The following RASGEF1A variants were observed in gnomAD, a reference collection of about 807,000 sequenced individuals.
The protein encoded by RASGEF1A is ras-GEF domain-containing family member 1A.
A neutral mutation model predicts 56.4 loss-of-function variants in RASGEF1A; 18 were observed. The ratio of observed to expected loss-of-function variants is 0.32; its 90% CI spans 0.22 to 0.47. The LOEUF (loss-of-function observed/expected upper bound fraction) is 0.47. RASGEF1A is among the 20% of genes least tolerant of loss of function. The probability of loss-of-function intolerance (pLI) is 1.00; values close to 1 mark genes in which losing one functional copy is unlikely to be tolerated. For missense variants in RASGEF1A, 422 were observed against 627.1 expected, an observed-to-expected ratio of 0.67 and a Z score of 3.49; for synonymous variants, 245 against 242.6, an observed-to-expected ratio of 1.01 and a Z score of -0.09.
intron 2 of RASGEF1A, 66 bp from the exon 3 acceptor site, chr10:43,203,486 T>A: frequency 6.9e-7 from 1 of 1,455,228 alleles, no homozygotes; most frequent in South Asian, 1.4e-5. Context: ...CTCACCGCGC[T>A]GCTTCACCTG....
chr10:43,205,874 C>G, intron 2 of RASGEF1A, 45 bp downstream of exon 2: 1 of 1,495,082 alleles, frequency 6.7e-7, no homozygotes, highest in East Asian at 2.3e-5. Flanking sequence ...TCCTGGAGCC[C>G]AGGTCACCCC....
chr10:43,200,941 C>T (rs1839887374), intron 4 of RASGEF1A, 53 bp from the exon 5 acceptor site: 2 of 1,518,198 alleles, frequency 1.3e-6, no homozygotes, highest in Non-Finnish European at 1.8e-6. Flanking sequence ...GCAAGGCCAC[C>T]ACCACTGTGG....
rs372450102 is a variant in RASGEF1A, at chr10:43,211,017, C to A, written c.-6-4895G>T. ...GAGTGGGGGACAGGCTTGCACGCAG[C>A]AGCCCCTCTGGTTCCTTGCAGCCCC... On this transcript the variant is annotated intron_variant, in intron 1 of 12. Coordinates refer to ENST00000395810, the MANE Select transcript of RASGEF1A (RefSeq NM_145313.4). Among the ~76,000 whole-genome samples, 4 of 87,034 alleles carry A rather than the reference C, an allele frequency of 4.6e-5. No homozygotes were observed. The South Asian group carries it at 2.2e-3, about 49-fold the overall frequency. 57.1% of individuals were successfully genotyped at this position (87,034 alleles called of 152,430 possible). A position where few individuals can be genotyped will look rare whatever the true frequency, so the allele number is the denominator to read the frequency against.
At chr10:43,219,727 T>A (rs1437394594) in intron 1 of RASGEF1A, among the ~76,000 whole-genome samples, 1 of 152,260 alleles carries the variant, frequency 6.6e-6, no homozygotes, top group African/African-American at 2.4e-5. Context: ...CACACAGACC[T>A]GTCCCGGGTG....
At chr10:43,236,373 A>T (rs1355679521) in intron 1 of RASGEF1A, among the ~76,000 whole-genome samples, 2 of 152,216 alleles carry the variant, frequency 1.3e-5, no homozygotes, top group Non-Finnish European at 2.9e-5. Context: ...GTGCCTGAGC[A>T]GGTGTGCGTA....
intron 1 of RASGEF1A, among the ~76,000 whole-genome samples, chr10:43,259,008 CCCCATCTCTGG>C: frequency 6.6e-6 from 1 of 152,246 alleles, no homozygotes; most frequent in Admixed American, 6.5e-5. Flanking sequence ...TCTCTGGTTC[CCCCATCTCTGG>C]CCCATGCAGC....
In RASGEF1A at chr10:43,257,609, C is replaced by T. The variant is rs186212484; in HGVS notation, c.-7+9236G>A. On this transcript the variant is annotated intron_variant, in intron 1 of 12. Transcript: ENST00000395810. ...AGTGCCCTGCGCTTCCCCCGGGCCT[C>T]CCCAGGGGGTAGTGACTGCACACAG... Among the ~76,000 whole-genome samples, 729 of 152,306 alleles carry T rather than the reference C, an allele frequency of 4.8e-3. 5 individuals are homozygous for T. The highest frequency in any genetic ancestry group is 8.3e-3 in the Non-Finnish European group (562 of 68,008).
At chr10:43,202,648 G>GCCCCCCCCCCCCCCCCCCC in intron 3 of RASGEF1A, 6 of 459,812 alleles carry the variant, frequency 1.3e-5, no homozygotes, top group Middle Eastern at 6.1e-4. Flanking sequence ...CCCGCCCCCG[G>GCCCCCCCCCCCCCCCCCCC]CCCCCGCACC....
intron 1 of RASGEF1A, among the ~76,000 whole-genome samples, chr10:43,220,308 G>A (rs1299382209): frequency 1.3e-5 from 2 of 152,192 alleles, no homozygotes; most frequent in East Asian, 3.8e-4. Flanking sequence ...AGACCAGCCT[G>A]GGCAACATAG....
chr10:43,259,240 C>T (rs1836483961), intron 1 of RASGEF1A, among the ~76,000 whole-genome samples: 1 of 152,230 alleles, frequency 6.6e-6, no homozygotes, highest in African/African-American at 2.4e-5. Flanking sequence ...CCTGAGGTTG[C>T]ATTCTGAGCA....
chr10:43,209,027 A>C, intron 1 of RASGEF1A: 4 of 985,400 alleles, frequency 4.1e-6, no homozygotes, highest in Non-Finnish European at 4.8e-6. Context: ...TTGTTCTTGC[A>C]CCTGCTTCCT....
chr10:43,253,300 C>T (rs1840647840), intron 1 of RASGEF1A, among the ~76,000 whole-genome samples: 1 of 152,222 alleles, frequency 6.6e-6, no homozygotes, highest in African/African-American at 2.4e-5. Flanking sequence ...ACTCCCAAAT[C>T]CCCGGGGAGG....
chr10:43,236,806 C>T (rs1840436802), intron 1 of RASGEF1A, among the ~76,000 whole-genome samples: 1 of 152,234 alleles, frequency 6.6e-6, no homozygotes, highest in Non-Finnish European at 1.5e-5. Flanking sequence ...TCACAGGCTC[C>T]TGGAGAAGAG....
At chr10:43,200,332 A>T (rs1839873907) in intron 5 of RASGEF1A, 76 bp from the exon 6 acceptor site, 6 of 1,311,940 alleles carry the variant, frequency 4.6e-6, no homozygotes, top group Non-Finnish European at 3.2e-6. Flanking sequence ...GCATGCGGAC[A>T]GGGAGAGGAG....
At chr10:43,218,641 A>C (rs557288410) in intron 1 of RASGEF1A, among the ~76,000 whole-genome samples, 44 of 152,370 alleles carry the variant, frequency 2.9e-4, no homozygotes, top group African/African-American at 9.1e-4. Flanking sequence ...CACATAAGCC[A>C]AACTTCAAGT....
chr10:43,250,196 C>T (rs908909439), intron 1 of RASGEF1A, among the ~76,000 whole-genome samples: 4 of 152,362 alleles, frequency 2.6e-5, no homozygotes, highest in Admixed American at 1.3e-4. Flanking sequence ...TGCGCAGTCT[C>T]GGAGCTATGG....
chr10:43,230,770 G>T (rs914218749), intron 1 of RASGEF1A, among the ~76,000 whole-genome samples: 8 of 152,170 alleles, frequency 5.3e-5, no homozygotes, highest in Admixed American at 5.2e-4. Context: ...CTCTTGCCCA[G>T]GCCTTGCCAG....
chr10:43,264,097 T>C (rs963312260), intron 1 of RASGEF1A, among the ~76,000 whole-genome samples: 1 of 152,070 alleles, frequency 6.6e-6, no homozygotes, highest in African/African-American at 2.4e-5. Flanking sequence ...CGGGCTTCCC[T>C]TCACACAGTG....
chr10:43,198,853 C>T (rs1839843311), intron 9 of RASGEF1A, 80 bp downstream of exon 9: 4 of 1,327,744 alleles, frequency 3.0e-6, no homozygotes, highest in Non-Finnish European at 3.2e-6. Context: ...GCCCCCCACC[C>T]CCACTGTCAG....
Sources: gnomAD v4.1 joint callset for allele counts (sites outside exome capture counted in the v4.1 genomes callset) on GRCh38, gnomAD v4.1.1 for gene constraint, MANE v1.5 for transcripts, NCBI Gene and HGNC (gene_info 2026-07-23, HGNC 2026-07-21) for gene names.